Variants in ASTN2 observed in about 807,000 individuals in gnomAD.
ASTN2 encodes the protein astrotactin 2, also known as astrotactin-2.
Under a neutral mutation model 139.8 loss-of-function variants are expected in ASTN2, and 54 were observed. The observed-to-expected ratio is 0.39, with a 90% CI of 0.31 to 0.48. ASTN2 has a LOEUF of 0.48. Among genes scored for constraint, ASTN2 ranks in the 20% least tolerant of loss-of-function variants. ASTN2 has a pLI of 0.95. For missense variants in ASTN2, 1,565 were observed against 1,725.1 expected, an observed-to-expected ratio of 0.91 and a Z score of 1.64; for synonymous variants, 756 against 719.5, an observed-to-expected ratio of 1.05 and a Z score of -0.81.
chr9:117,142,170 AG>A (rs1830090966), intron 3 of ASTN2, among the ~76,000 whole-genome samples: 1 of 152,250 alleles, frequency 6.6e-6, no homozygotes, highest in Non-Finnish European at 1.5e-5. Context: ...GACATCTGGT[AG>A]GCCACATTTA....
chr9:116,962,636 G>A (rs912264309), intron 10 of ASTN2, among the ~76,000 whole-genome samples: 2 of 152,158 alleles, frequency 1.3e-5, no homozygotes, highest in African/African-American at 4.8e-5. Flanking sequence ...GGAAATCAAT[G>A]TAGCAACTTC....
chr9:116,863,546 G>C, intron 11 of ASTN2, 37 bp downstream of exon 11: 1 of 1,606,880 alleles, frequency 6.2e-7, no homozygotes, highest in South Asian at 1.1e-5. Context: ...CTTAGCCCCT[G>C]GGCCACTGCC....
intron 19 of ASTN2, among the ~76,000 whole-genome samples, chr9:116,500,570 C>G (rs1321922): frequency 0.77 from 116,977 of 152,124 alleles, 45,062 homozygotes; most frequent in Middle Eastern, 0.84. Flanking sequence ...AATTCACTAA[C>G]ATGCTGATAT....
chr9:117,407,530 G>A (rs1225211077), intron 1 of ASTN2, among the ~76,000 whole-genome samples: 1 of 152,188 alleles, frequency 6.6e-6, no homozygotes, highest in Non-Finnish European at 1.5e-5. Flanking sequence ...CAACATGCTT[G>A]TCAAATTTCA....
intron 13 of ASTN2, among the ~76,000 whole-genome samples, chr9:116,803,305 G>T (rs1360000047): frequency 7.5e-6 from 1 of 134,146 alleles, no homozygotes; most frequent in African/African-American, 2.7e-5. Flanking sequence ...AGCTTTTCCT[G>T]ATTTTTGTTC....
At chr9:116,609,279 A>G (rs1855381896) in intron 19 of ASTN2, among the ~76,000 whole-genome samples, 1 of 148,698 alleles carries the variant, frequency 6.7e-6, no homozygotes, top group Admixed American at 6.8e-5. Context: ...AAAGCTTAGA[A>G]TCAGTCAGAA....
intron 11 of ASTN2, among the ~76,000 whole-genome samples, chr9:116,828,871 C>A (rs529731628): frequency 6.6e-6 from 1 of 152,206 alleles, no homozygotes; most frequent in Non-Finnish European, 1.5e-5. Context: ...TTTCTATACA[C>A]CAATCTAGCT....
At chr9:117,079,360 G>A (rs1490864603) in intron 5 of ASTN2, among the ~76,000 whole-genome samples, 1 of 152,248 alleles carries the variant, frequency 6.6e-6, no homozygotes, top group Middle Eastern at 3.4e-3. Context: ...TGTCGAGAGA[G>A]AGTGAGAGAG....
intron 2 of ASTN2, among the ~76,000 whole-genome samples, chr9:117,275,903 C>T (rs915803959): frequency 2.6e-5 from 4 of 152,126 alleles, no homozygotes. Flanking sequence ...CCCAAATAAC[C>T]TTAATTACCT....
At chr9:117,109,564 T>A (rs1829197858) in intron 4 of ASTN2, among the ~76,000 whole-genome samples, 1 of 152,114 alleles carries the variant, frequency 6.6e-6, no homozygotes, top group Non-Finnish European at 1.5e-5. Flanking sequence ...TGTGTTAGAA[T>A]TCCCCTTCTT....
At chr9:117,043,758 A>C (rs1357983888) in intron 5 of ASTN2, among the ~76,000 whole-genome samples, 1 of 152,052 alleles carries the variant, frequency 6.6e-6, no homozygotes, top group Non-Finnish European at 1.5e-5. Context: ...AAATACAAAA[A>C]TGAGCCGGGC....
At chr9:116,700,249 A>G (rs996541786) in intron 16 of ASTN2, 4 of 176,226 alleles carry the variant, frequency 2.3e-5, no homozygotes, top group African/African-American at 9.6e-5. Context: ...CCAGTATGAA[A>G]GTCATTCATT....
At chr9:117,030,956 G>A (rs575692246) in intron 6 of ASTN2, among the ~76,000 whole-genome samples, 6 of 152,146 alleles carry the variant, frequency 3.9e-5, no homozygotes, top group African/African-American at 7.2e-5. Context: ...ACTCTCTCAC[G>A]TATAGTTATT....
chr9:116,504,388 G>A (rs1051323428), intron 19 of ASTN2: 1 of 152,174 alleles, frequency 6.6e-6, no homozygotes, highest in Non-Finnish European at 1.5e-5. Context: ...AGAAAGAAGG[G>A]AAGGTAAGAT....
intron 10 of ASTN2, among the ~76,000 whole-genome samples, chr9:116,967,032 T>A (rs1836030663): frequency 6.6e-6 from 1 of 152,204 alleles, no homozygotes; most frequent in Non-Finnish European, 1.5e-5. Flanking sequence ...TGACTTAACA[T>A]CTTTGTGCCT....
intron 20 of ASTN2, among the ~76,000 whole-genome samples, chr9:116,471,860 G>C (rs1034545734): frequency 6.6e-6 from 1 of 152,168 alleles, no homozygotes; most frequent in African/African-American, 2.4e-5. Flanking sequence ...GAGGGAGTCA[G>C]AATTTGAAAC....
intron 16 of ASTN2, among the ~76,000 whole-genome samples, chr9:116,655,186 A>G (rs370549756): frequency 6.6e-6 from 1 of 152,240 alleles, no homozygotes; most frequent in East Asian, 1.9e-4. Flanking sequence ...AGACTGTGTC[A>G]TGCCTAAGTT....
chr9:116,873,361 C>T (rs1055421093), intron 10 of ASTN2, among the ~76,000 whole-genome samples: 2 of 152,190 alleles, frequency 1.3e-5, no homozygotes, highest in Non-Finnish European at 2.9e-5. Flanking sequence ...TAGATTTGAG[C>T]TTTTCCAAAG....
intron 5 of ASTN2, among the ~76,000 whole-genome samples, chr9:117,077,739 CTCTG>C (rs1828318372): frequency 6.6e-6 from 1 of 152,138 alleles, no homozygotes; most frequent in Non-Finnish European, 1.5e-5. Flanking sequence ...CAGAGCAAGA[CTCTG>C]TCTAAATAAC....
Sources: allele counts gnomAD v4.1 joint callset (sites outside exome capture counted in the v4.1 genomes callset), GRCh38; gene constraint gnomAD v4.1.1; transcripts MANE v1.5; gene names NCBI Gene and HGNC (gene_info 2026-07-23, HGNC 2026-07-21).